NEDD4L: variants seen among roughly 807,000 people sequenced by gnomAD.
NEDD4L encodes NEDD4 like E3 ubiquitin protein ligase.
In NEDD4L, 54 loss-of-function variants were observed where a neutral mutation model predicts 148.9. The ratio of observed to expected loss-of-function variants is 0.36; its 90% CI spans 0.29 to 0.45. The LOEUF is 0.45. Ranked by LOEUF, NEDD4L falls within the 20% of genes least tolerant of loss-of-function variation. NEDD4L has a pLI of 1.00. For missense variants in NEDD4L, 856 were observed against 1,233.8 expected (o/e 0.69, Z 4.59); for synonymous variants, 433 against 440.7 (o/e 0.98, Z 0.22).
Position 58,366,077 on chromosome 18 carries a change from G to C in NEDD4L, c.1912G>C (p.Val638Leu). The change falls in exon 21 of 31, where the codon GTG (valine) becomes CTG (leucine). Residue 638 changes from valine (V) to leucine (L), a missense_variant. Physicochemically the swap from Val to Leu is conservative, Grantham distance 32. Coordinates refer to ENST00000400345, the MANE Select transcript of NEDD4L (RefSeq NM_001144967.3). The surrounding 1 kb of genome is among the most constrained non-coding windows in gnomAD (Gnocchi z 4.2). ...FEESYRRIMS[V>L]KRPDVLKARL... ...AGAGTCCTATCGGAGAATTATGTCC[G>C]TGAAAAGACCAGATGTCCTAAAAGC... 1 of 1,613,326 alleles carries C rather than the reference G, an allele frequency of 6.2e-7. No homozygotes were observed. Among genetic ancestry groups the C allele is most frequent in the Non-Finnish European group, 8.5e-7 (1 of 1,179,578 alleles).
chr18:58,056,718 C>T (rs745737139), intron 1 of NEDD4L, among the ~76,000 whole-genome samples: 17 of 152,158 alleles, frequency 1.1e-4, no homozygotes, highest in Non-Finnish European at 2.1e-4. Flanking sequence ...GTAGCTGGGA[C>T]TACAGGCATG....
At chr18:58,260,675 ATGTG>A (rs781277134) in intron 5 of NEDD4L, among the ~76,000 whole-genome samples, 1 of 152,196 alleles carries the variant, frequency 6.6e-6, no homozygotes, top group Non-Finnish European at 1.5e-5. Context: ...ATGTGTATTT[ATGTG>A]TGTGTGTATA....
intron 13 of NEDD4L, among the ~76,000 whole-genome samples, chr18:58,338,845 G>A (rs1305896119): frequency 6.6e-6 from 1 of 152,194 alleles, no homozygotes; most frequent in African/African-American, 2.4e-5. Flanking sequence ...GAACATGGGA[G>A]GCGGAGGTTG....
chr18:58,221,851 T>A, intron 2 of NEDD4L: 1 of 426,690 alleles, frequency 2.3e-6, no homozygotes, highest in Non-Finnish European at 3.1e-6. Context: ...TGTTTTTATG[T>A]CAGCGGCATA....
chr18:58,185,008 G>A (rs996197508), intron 2 of NEDD4L, among the ~76,000 whole-genome samples: 41 of 152,304 alleles, frequency 2.7e-4, no homozygotes, highest in African/African-American at 9.1e-4. Flanking sequence ...AACCCTGCGA[G>A]GGAGGGTGAA....
At chr18:58,179,519 C>A (rs905990472) in intron 2 of NEDD4L, among the ~76,000 whole-genome samples, 1 of 152,124 alleles carries the variant, frequency 6.6e-6, no homozygotes. Flanking sequence ...GTGGGCCGCA[C>A]AGCAGGAGGT....
chr18:58,251,391 G>A (rs544219488), intron 4 of NEDD4L, among the ~76,000 whole-genome samples: 2 of 152,214 alleles, frequency 1.3e-5, no homozygotes, highest in East Asian at 1.9e-4. Context: ...GCCAGGCATG[G>A]TAGTCCAAGC....
rs2059723325 is a variant in NEDD4L, at chr18:58,330,726, C to T, written c.814-12C>T. 1.3e-6 allele frequency: 2 copies of T among 1,551,746 alleles called. No homozygotes were observed. Among genetic ancestry groups the T allele is most frequent in the South Asian group, 1.2e-5 (1 of 80,344 alleles). On this transcript the variant is annotated splice_polypyrimidine_tract_variant and intron_variant, in intron 10 of 30. Coordinates refer to ENST00000400345, the MANE Select transcript of NEDD4L (RefSeq NM_001144967.3). Reference sequence around the variant, plus strand: ...TTTCTAGTGTTTACCCCAGTGTCTCCTTCTCTGAAAGCCTTGGGAGACCAT... The same window carrying T: ...TTTCTAGTGTTTACCCCAGTGTCTCTTTCTCTGAAAGCCTTGGGAGACCAT...
intron 5 of NEDD4L, among the ~76,000 whole-genome samples, chr18:58,268,875 C>T (rs938147917): frequency 6.6e-6 from 1 of 151,820 alleles, no homozygotes; most frequent in Non-Finnish European, 1.5e-5. Flanking sequence ...AGGAGGGGAG[C>T]GTTCTATGGG....
At chr18:58,380,682 T>C (rs2048225854) in intron 24 of NEDD4L, among the ~76,000 whole-genome samples, 1 of 152,152 alleles carries the variant, frequency 6.6e-6, no homozygotes, top group Non-Finnish European at 1.5e-5. Context: ...CATCAACCCA[T>C]CATCTACATT....
chr18:58,257,511 A>G (rs541435580), intron 5 of NEDD4L, among the ~76,000 whole-genome samples: 21 of 152,260 alleles, frequency 1.4e-4, no homozygotes, highest in African/African-American at 5.1e-4. Flanking sequence ...TAATGGTCAG[A>G]TGGCGTGGCG....
At chr18:58,132,362 C>T (rs74402052) in intron 1 of NEDD4L, among the ~76,000 whole-genome samples, 2,454 of 152,302 alleles carry the variant, frequency 0.016, 21 homozygotes, top group African/African-American at 0.022. Flanking sequence ...CCAAGGGCTG[C>T]TGTATTTAAA....
intron 2 of NEDD4L, among the ~76,000 whole-genome samples, chr18:58,170,328 G>A (rs1398445731): frequency 6.7e-6 from 1 of 149,646 alleles, no homozygotes; most frequent in African/African-American, 2.5e-5. Context: ...ACAGAACACT[G>A]CTGCCCGCCT....
intron 2 of NEDD4L, among the ~76,000 whole-genome samples, chr18:58,183,109 C>A (rs1044738650): frequency 6.6e-6 from 1 of 152,184 alleles, no homozygotes; most frequent in Non-Finnish European, 1.5e-5. Context: ...TTATGGCAGA[C>A]ACACCGGACA....
At chr18:58,057,297 A>T (rs184466822) in intron 1 of NEDD4L, among the ~76,000 whole-genome samples, 2 of 151,012 alleles carry the variant, frequency 1.3e-5, no homozygotes, top group Admixed American at 1.3e-4. Flanking sequence ...TAAATAGGCT[A>T]TGTCTCTCAA....
At chr18:58,174,663 A>G (rs1198997548) in intron 2 of NEDD4L, among the ~76,000 whole-genome samples, 2 of 152,168 alleles carry the variant, frequency 1.3e-5, no homozygotes, top group Admixed American at 6.5e-5. Context: ...TGAGGCAGGA[A>G]TGGGTGAGGC....
At chr18:58,177,486 G>A (rs579709) in intron 2 of NEDD4L, among the ~76,000 whole-genome samples, 7,646 of 152,204 alleles carry the variant, frequency 0.05, 601 homozygotes, top group African/African-American at 0.17. Flanking sequence ...GGCTGCCGGC[G>A]TCCCCACCCC....
At chr18:58,335,801 A>T in intron 13 of NEDD4L, 1 of 343,600 alleles carries the variant, frequency 2.9e-6, no homozygotes, top group Non-Finnish European at 5.4e-6. Context: ...ACCATTTAGA[A>T]GATATTTTTG....
chr18:58,286,727 T>C (rs556354257), intron 5 of NEDD4L, among the ~76,000 whole-genome samples: 1 of 152,304 alleles, frequency 6.6e-6, no homozygotes, highest in East Asian at 1.9e-4. Context: ...GTAGTGCTAA[T>C]TGAGATAGGT....
Sources: allele counts gnomAD v4.1 joint callset (sites outside exome capture counted in the v4.1 genomes callset), GRCh38; gene constraint gnomAD v4.1.1; non-coding constraint Gnocchi (gnomAD v3.1); transcripts MANE v1.5; gene names NCBI Gene and HGNC (gene_info 2026-07-23, HGNC 2026-07-21).